The following MS4A14 variants were observed in gnomAD, a reference collection of about 807,000 sequenced individuals.
MS4A14 encodes membrane-spanning 4-domains subfamily A member 14.
In MS4A14, 18 loss-of-function variants were observed where a neutral mutation model predicts 16.7. The observed-to-expected ratio is 1.08, with a 90% CI of 0.75 to 1.60. The LOEUF is 1.60. Ranked by LOEUF, MS4A14 falls within the 40% of genes most tolerant of loss-of-function variation. The pLI is 0.00. For missense variants in MS4A14, 812 were observed against 775.3 expected (o/e 1.05, Z -0.56); for synonymous variants, 305 against 289.4 (o/e 1.05, Z -0.55).
chr11:60,416,200 C>T lies in MS4A14; in HGVS notation c.1232C>T (p.Ser411Leu). 6.2e-7 allele frequency: 1 copy of T among 1,613,854 alleles called. No homozygotes were observed. Among genetic ancestry groups the T allele is most frequent in the Non-Finnish European group, 8.5e-7 (1 of 1,179,930 alleles). The part of the protein sequence containing the change: ...PSQDMLSQAL[S>L]AHAILPEAST... ...CAAGATATGCTATCCCAAGCTCTATCAGCGCATGCCATATTACCTGAAGCC... is the reference window on the plus strand; with the variant it reads ...CAAGATATGCTATCCCAAGCTCTATTAGCGCATGCCATATTACCTGAAGCC... The change falls in exon 5 of 5, where the codon TCA becomes TTA. Residue 411 changes from serine (S) to leucine (L), a missense_variant. Ser to Leu is a moderately radical substitution (Grantham distance 145). Transcript: ENST00000300187.
chr11:60,398,181 A>G (rs2085658639), intron 2 of MS4A14: 2 of 464,908 alleles, frequency 4.3e-6, no homozygotes, highest in Non-Finnish European at 3.8e-6. Flanking sequence ...GGTGCTTAAA[A>G]TTTGTTTCCA....
intron 4 of MS4A14, among the ~76,000 whole-genome samples, chr11:60,404,066 T>C (rs1192739964): frequency 1.3e-5 from 2 of 152,158 alleles, no homozygotes; most frequent in African/African-American, 2.4e-5. Flanking sequence ...GCCAAGAACA[T>C]GATACAACAT....
chr11:60,404,584 C>T lies in MS4A14; in HGVS notation c.468+1523C>T, dbSNP rs1212525385. On this transcript the variant is annotated intron_variant, in intron 4 of 4. Transcript: ENST00000300187. ...TCACTCCTCCACACTCCAGCCACTT[C>T]CTATAATCCCTTAATGTGTCAAGTA... 4 of 456,966 alleles carry T rather than the reference C, an allele frequency of 8.8e-6. No individual in the cohort carries two copies. In the East Asian group the frequency reaches 2.8e-4, roughly 32 times the overall value. The allele number at this position is 456,966 out of a possible 1,614,324, so 28.3% of individuals were successfully genotyped here. A position where few individuals can be genotyped will look rare whatever the true frequency, so the allele number is the denominator to read the frequency against.
chr11:60,415,726 C>G lies in MS4A14; in HGVS notation c.758C>G (p.Pro253Arg). The G allele has an allele frequency of 6.2e-7, 1 of 1,613,828 alleles. No individual in the cohort carries two copies. ...GAGGAAGAAATTGAACCTTTGCCTC[C>G]CACACTAGAGAAAAAGCCCTCAGAA... ...FSEEEIEPLP[P>R]TLEKKPSENM... is the part of the protein sequence containing the mutation. Residue 253 changes from proline to arginine, a missense_variant, in exon 5 of 5, where the codon CCC (proline) becomes CGC (arginine). Coordinates refer to ENST00000300187, the MANE Select transcript of MS4A14 (RefSeq NM_032597.5).
chr11:60,396,685 A>G lies in MS4A14; in HGVS notation c.107A>G (p.Asp36Gly). The G allele has an allele frequency of 1.9e-6, 3 of 1,613,914 alleles. No individual in the cohort carries two copies. The highest frequency in any genetic ancestry group is 2.5e-6 in the Non-Finnish European group (3 of 1,179,950). Reference protein sequence around the residue: ...FPYRPHSSLLDFLKGEPRVLG... With the variant: ...FPYRPHSSLLGFLKGEPRVLG... ...TACAGACCTCATAGCTCTCTGCTGG[A>G]TTTTCTGAAGGGAGAGCCAAGAGTC... Residue 36 changes from aspartate to glycine, a missense_variant, in exon 1 of 5, where the codon GAT (aspartate) becomes GGT (glycine). By Grantham distance (94) the Asp-to-Gly change is moderately conservative. Transcript: ENST00000300187.
Position 60,416,121 on chromosome 11 carries a change from A to G in MS4A14, c.1153A>G (p.Met385Val). 1 of 1,609,902 alleles carries G rather than the reference A, an allele frequency of 6.2e-7. No individual in the cohort carries two copies. ...ATCCCAAGATATGCAATCCCTAGAT[A>G]TGCTATCTCAAGACACACCATCCCA... Reference protein sequence around the residue: ...MTSQDMQSLDMLSQDTPSHAM... With the variant: ...MTSQDMQSLDVLSQDTPSHAM... The change falls in exon 5 of 5, where the codon ATG becomes GTG. Residue 385 changes from methionine (M) to valine (V), a missense_variant. Transcript: ENST00000300187.
chr11:60,415,304 G>A (rs770413998), intron 4 of MS4A14, 133 bp from the exon 5 acceptor site: 140 of 919,954 alleles, frequency 1.5e-4, no homozygotes, highest in Non-Finnish European at 2.0e-4. Flanking sequence ...ACTGGCATTC[G>A]TTTTCTGCCT....
chr11:60,396,828 A>G (rs2085631097), intron 1 of MS4A14, 112 bp downstream of exon 1: 3 of 1,175,654 alleles, frequency 2.6e-6, no homozygotes, highest in African/African-American at 3.1e-5. Context: ...AGTTAATTCT[A>G]CTTTTCCCCC....
chr11:60,399,987 G>T (rs2085686753), intron 2 of MS4A14, among the ~76,000 whole-genome samples: 1 of 152,136 alleles, frequency 6.6e-6, no homozygotes, highest in African/African-American at 2.4e-5. Context: ...GAGGGACTCT[G>T]ATAACTACAC....
chr11:60,405,806 A>G (rs1358246845), intron 4 of MS4A14: 4 of 982,118 alleles, frequency 4.1e-6, no homozygotes, highest in Non-Finnish European at 6.0e-6. Flanking sequence ...ACTTGGTGAT[A>G]GAGTGTAAGG....
At chr11:60,414,759 C>T (rs765567836) in intron 4 of MS4A14, among the ~76,000 whole-genome samples, 22 of 152,172 alleles carry the variant, frequency 1.4e-4, no homozygotes, top group Non-Finnish European at 2.5e-4. Flanking sequence ...TGCTATATCA[C>T]AACCTTGTGT....
chr11:60,400,645 T>C (rs1007503528), intron 3 of MS4A14, among the ~76,000 whole-genome samples, 191 bp downstream of exon 3: 8 of 152,212 alleles, frequency 5.3e-5, no homozygotes, highest in Non-Finnish European at 1.2e-4. Context: ...CCCATTTCCC[T>C]GGTCAAGTAA....
rs1278675438 is a variant in MS4A14, at chr11:60,416,491, A to G, written c.1523A>G (p.Lys508Arg). Residue 508 changes from lysine (K) to arginine (R), a missense_variant, in exon 5 of 5, where the codon AAA becomes AGA. Transcript: ENST00000300187. Reference protein sequence around the residue: ...LRRHSLDVQAKGQKSSKRHSL... With the variant: ...LRRHSLDVQARGQKSSKRHSL... ...AGACATTCTTTAGACGTGCAAGCCAAAGGCCAGAAATCCTCAAAGAGGCAT... is the reference window on the plus strand; with the variant it reads ...AGACATTCTTTAGACGTGCAAGCCAGAGGCCAGAAATCCTCAAAGAGGCAT... 6.2e-7 allele frequency: 1 copy of G among 1,613,960 alleles called. No homozygotes were observed. Among genetic ancestry groups the G allele is most frequent in the Non-Finnish European group, 8.5e-7 (1 of 1,179,942 alleles).
intron 4 of MS4A14, among the ~76,000 whole-genome samples, chr11:60,406,894 T>G (rs1324917125): frequency 6.6e-6 from 1 of 151,926 alleles, no homozygotes; most frequent in Non-Finnish European, 1.5e-5. Context: ...ATATGGCTTA[T>G]ATGGCTTCTT....
At chr11:60,402,176 C>T (rs1312999374) in intron 3 of MS4A14, among the ~76,000 whole-genome samples, 1 of 151,888 alleles carries the variant, frequency 6.6e-6, no homozygotes, top group African/African-American at 2.4e-5. Context: ...CCCACACCCC[C>T]CTCCAAAAAA....
chr11:60,416,921 C>T lies in MS4A14; in HGVS notation c.1953C>T (p.Tyr651=). ...ATTCAGAATCCCAAATACAGCAATA[C>T]CAATTCTGGCAATTCCACAAAGGCA... ...CQDSESQIQQ[Y]QFWQFHKGNL... The change falls in exon 5 of 5, where the codon TAC becomes TAT. Residue 651 remains tyrosine (Y), a synonymous_variant. Coordinates refer to ENST00000300187, the MANE Select transcript of MS4A14 (RefSeq NM_032597.5). 6.2e-7 allele frequency: 1 copy of T among 1,613,728 alleles called. No individual in the cohort carries two copies. Among genetic ancestry groups the T allele is most frequent in the Non-Finnish European group, 8.5e-7 (1 of 1,179,758 alleles).
At chr11:60,400,836 TA>T (rs2085702880) in intron 3 of MS4A14, among the ~76,000 whole-genome samples, 1 of 152,218 alleles carries the variant, frequency 6.6e-6, no homozygotes, top group Non-Finnish European at 1.5e-5. Context: ...GGGACATTTC[TA>T]AGCATCTAAA....
At chr11:60,409,289 C>G (rs866337281) in intron 4 of MS4A14, among the ~76,000 whole-genome samples, 1 of 152,010 alleles carries the variant, frequency 6.6e-6, no homozygotes, top group African/African-American at 2.4e-5. Flanking sequence ...GAATTTTATA[C>G]CCATTGACCA....
At chr11:60,410,605 T>C (rs976361761) in intron 4 of MS4A14, among the ~76,000 whole-genome samples, 1 of 152,182 alleles carries the variant, frequency 6.6e-6, no homozygotes, top group African/African-American at 2.4e-5. Flanking sequence ...GATTTTGAGT[T>C]AATGTTTGTA....
Sources: allele counts gnomAD v4.1 joint callset (sites outside exome capture counted in the v4.1 genomes callset), GRCh38; gene constraint gnomAD v4.1.1; transcripts MANE v1.5; gene names NCBI Gene and HGNC (gene_info 2026-07-23, HGNC 2026-07-21).